Variants in PHLPP1 observed in about 807,000 individuals in gnomAD.
PHLPP1 encodes the protein PH domain leucine-rich repeat-containing protein phosphatase 1.
PHLPP1 carries 42 observed loss-of-function variants against 117.2 expected under a neutral mutation model. That is an observed-to-expected ratio of 0.36 (90% CI 0.28 to 0.46). PHLPP1 has a LOEUF of 0.46. PHLPP1 is among the 20% of genes least tolerant of loss of function. The pLI is 1.00. For synonymous variants in PHLPP1, 1,042 were observed against 970.7 expected, an observed-to-expected ratio of 1.07 and a Z score of -1.37; for missense variants, 2,084 against 2,241.9, an observed-to-expected ratio of 0.93 and a Z score of 1.42.
At chr18:62,777,452 T>C (rs903742433) in intron 1 of PHLPP1, among the ~76,000 whole-genome samples, 11 of 151,244 alleles carry the variant, frequency 7.3e-5, no homozygotes, top group African/African-American at 2.4e-4. Context: ...TATGTATGTA[T>C]TGAAAAATAT....
At chr18:62,940,525 C>T (rs889311613) in intron 10 of PHLPP1, among the ~76,000 whole-genome samples, 18 of 151,792 alleles carry the variant, frequency 1.2e-4, no homozygotes, top group African/African-American at 2.9e-4. Context: ...CCACCACACC[C>T]GGCTAATTTT....
intron 10 of PHLPP1, among the ~76,000 whole-genome samples, chr18:62,929,394 C>T (rs1909740616): frequency 6.6e-6 from 1 of 151,794 alleles, no homozygotes; most frequent in South Asian, 2.1e-4. Flanking sequence ...TTGTATTAGT[C>T]AACATTTTAG....
At chr18:62,795,087 G>T (rs1000422315) in intron 1 of PHLPP1, among the ~76,000 whole-genome samples, 3 of 152,062 alleles carry the variant, frequency 2.0e-5, no homozygotes, top group Admixed American at 6.6e-5. Context: ...AAAGGACTAG[G>T]TAATAAATAT....
Position 62,860,503 on chromosome 18 carries a change from C to T in PHLPP1, c.1968C>T (p.Leu656=). Residue 656 remains leucine, a synonymous_variant, in exon 4 of 17, where the codon CTC becomes CTT. Coordinates refer to ENST00000262719, the MANE Select transcript of PHLPP1 (RefSeq NM_194449.4). ...GCCTGGAACATCTGCCTGCCAACCTCTTCTACAGCCAAGACCTCACTCATC... is the reference window on the plus strand; with the variant it reads ...GCCTGGAACATCTGCCTGCCAACCTTTTCTACAGCCAAGACCTCACTCATC... ...CCSLEHLPAN[L]FYSQDLTHLN... 6.2e-7 allele frequency: 1 copy of T among 1,613,914 alleles called. No individual in the cohort carries two copies. The highest frequency in any genetic ancestry group is 8.5e-7 in the Non-Finnish European group (1 of 1,179,820).
At position 62,715,809 on chromosome 18, in the gene PHLPP1, G is replaced by A; in HGVS notation, c.126G>A (p.Ala42=). 1 of 745,970 alleles carries A rather than the reference G, an allele frequency of 1.3e-6. No individual in the cohort carries two copies. The highest frequency in any genetic ancestry group is 1.7e-6 in the Non-Finnish European group (1 of 605,412). The allele number at this position is 745,970 out of a possible 1,614,324, so 46.2% of individuals were successfully genotyped here. ...AAAAAAAAAL[A]AAAGGGRSPE... Reference sequence around the variant, plus strand: ...CAGCGGCGGCCGCGGCGGCTCTGGCGGCGGCGGCCGGGGGCGGCCGGAGTC... The same window carrying A: ...CAGCGGCGGCCGCGGCGGCTCTGGCAGCGGCGGCCGGGGGCGGCCGGAGTC... Residue 42 remains alanine, a synonymous_variant, in exon 1 of 17, where the codon GCG becomes GCA. Transcript: ENST00000262719.
At chr18:62,948,690 C>CT (rs1910368076) in intron 12 of PHLPP1, among the ~76,000 whole-genome samples, 1 of 148,470 alleles carries the variant, frequency 6.7e-6, no homozygotes, top group Admixed American at 6.7e-5. Context: ...TTTTTTTATA[C>CT]TTTAAGTTTT....
intron 1 of PHLPP1, among the ~76,000 whole-genome samples, chr18:62,815,997 T>A: frequency 6.6e-6 from 1 of 152,216 alleles, no homozygotes; most frequent in East Asian, 1.9e-4. Context: ...TCAATAGTAT[T>A]GTTTCAAGTG....
At chr18:62,745,208 C>A (rs1052406836) in intron 1 of PHLPP1, among the ~76,000 whole-genome samples, 15 of 152,132 alleles carry the variant, frequency 9.9e-5, no homozygotes, top group African/African-American at 3.6e-4. Flanking sequence ...CCTTTACTTG[C>A]TGCTGACAAC....
At chr18:62,933,208 A>G (rs1568165999) in intron 10 of PHLPP1, among the ~76,000 whole-genome samples, 1 of 152,240 alleles carries the variant, frequency 6.6e-6, no homozygotes, top group African/African-American at 2.4e-5. Context: ...TACAGATTCA[A>G]TGTAATTCCT....
Position 62,753,478 on chromosome 18 carries a change from CA to C in PHLPP1, c.1576+36220del, listed in dbSNP as rs367572241. Among the ~76,000 whole-genome samples, 5 of 152,338 alleles carry C rather than the reference CA, an allele frequency of 3.3e-5. No homozygotes were observed. In the East Asian group the frequency reaches 9.6e-4, roughly 29 times the overall value. On this transcript the variant is annotated intron_variant, in intron 1 of 16. Transcript: ENST00000262719. ...ACCCAGCAATGTCCCATAAGTTGCA[CA>C]GGCACTTTGCATGCATTGCTGGCAT...
At chr18:62,732,922 CATG>C (rs1165771193) in intron 1 of PHLPP1, among the ~76,000 whole-genome samples, 3 of 152,144 alleles carry the variant, frequency 2.0e-5, no homozygotes, top group Non-Finnish European at 4.4e-5. Context: ...GCTGCAATCT[CATG>C]ATGAAACTTG....
At chr18:62,840,106 G>A (rs1915015329) in intron 3 of PHLPP1, among the ~76,000 whole-genome samples, 1 of 152,142 alleles carries the variant, frequency 6.6e-6, no homozygotes. Flanking sequence ...TATTTGTCAA[G>A]TGAATGAGTA....
intron 4 of PHLPP1, among the ~76,000 whole-genome samples, chr18:62,865,320 T>C (rs1822919056): frequency 6.6e-6 from 1 of 152,118 alleles, no homozygotes; most frequent in Non-Finnish European, 1.5e-5. Context: ...AGGGAAAACC[T>C]GTCTCAAAAA....
At chr18:62,928,453 A>T (rs1909710904) in intron 10 of PHLPP1, among the ~76,000 whole-genome samples, 1 of 152,216 alleles carries the variant, frequency 6.6e-6, no homozygotes, top group Non-Finnish European at 1.5e-5. Flanking sequence ...ATGTAAACAA[A>T]AACCACAATC....
At chr18:62,832,127 A>G (rs539083671) in intron 2 of PHLPP1, 3 of 152,348 alleles carry the variant, frequency 2.0e-5, no homozygotes, top group African/African-American at 4.8e-5. Context: ...CAAATCTAAT[A>G]TAACTATTCA....
At chr18:62,724,696 A>G (rs1300367652) in intron 1 of PHLPP1, among the ~76,000 whole-genome samples, 1 of 152,216 alleles carries the variant, frequency 6.6e-6, no homozygotes, top group African/African-American at 2.4e-5. Context: ...TGTGCTTTAC[A>G]CAGTTAGTCG....
intron 4 of PHLPP1, among the ~76,000 whole-genome samples, chr18:62,892,735 G>A (rs1916458452): frequency 6.6e-6 from 1 of 151,594 alleles, no homozygotes; most frequent in Non-Finnish European, 1.5e-5. Context: ...AATTAGCCAG[G>A]CATGGTGGCG....
chr18:62,851,678 C>G (rs904743895), intron 3 of PHLPP1, among the ~76,000 whole-genome samples: 3 of 152,062 alleles, frequency 2.0e-5, no homozygotes, highest in Non-Finnish European at 2.9e-5. Flanking sequence ...TCAGACTGGT[C>G]TCAAACTCCT....
chr18:62,890,220 A>T (rs1160314007), intron 4 of PHLPP1, among the ~76,000 whole-genome samples: 2 of 152,020 alleles, frequency 1.3e-5, no homozygotes, highest in African/African-American at 4.8e-5. Flanking sequence ...GATACTTGTT[A>T]AGAGGTTTTT....
Sources: gnomAD v4.1 joint callset for allele counts (sites outside exome capture counted in the v4.1 genomes callset) on GRCh38, gnomAD v4.1.1 for gene constraint, MANE v1.5 for transcripts, NCBI Gene and HGNC (gene_info 2026-07-23, HGNC 2026-07-21) for gene names.